NEK1: variants seen among roughly 807,000 people sequenced by gnomAD.
NEK1 encodes serine/threonine-protein kinase Nek1.
A neutral mutation model predicts 182.1 loss-of-function variants in NEK1; 137 were observed. That is an observed-to-expected ratio of 0.75 (90% confidence interval 0.65 to 0.87). The LOEUF is 0.87. Ranked by LOEUF, NEK1 falls within the 40% of genes least tolerant of loss-of-function variation. The pLI is 0.00. For missense variants in NEK1, 1,391 were observed against 1,494.4 expected, an observed-to-expected ratio of 0.93 and a Z score of 1.14; for synonymous variants, 513 against 492.2, an observed-to-expected ratio of 1.04 and a Z score of -0.56.
rs945229546 is a variant in NEK1 at position 169,489,239 on chromosome 4, T to C, written c.2008-9705A>G. Among the ~76,000 whole-genome samples, 6 of 152,234 alleles carry C rather than the reference T, an allele frequency of 3.9e-5. No individual in the cohort carries two copies. The East Asian group carries it at 1.2e-3, about 29-fold the overall frequency. On this transcript the variant is annotated intron_variant, in intron 23 of 35. Coordinates refer to ENST00000507142, the MANE Select transcript of NEK1 (RefSeq NM_001199397.3). ...TGGTAAATCAGTTAAGATTCTTTGG[T>C]TGAAGGCAATAGAAACTAACTATAG...
At chr4:169,502,881 A>C (rs1417644975) in intron 23 of NEK1, among the ~76,000 whole-genome samples, 1 of 152,156 alleles carries the variant, frequency 6.6e-6, no homozygotes, top group Admixed American at 6.5e-5. Context: ...TCCCAGCCAG[A>C]GCAATCAGGC....
chr4:169,577,330 T>TCAA (rs1428353281), intron 11 of NEK1, among the ~76,000 whole-genome samples: 1 of 148,908 alleles, frequency 6.7e-6, no homozygotes, highest in African/African-American at 2.4e-5. Context: ...AAAAAAAAAA[T>TCAA]CCCTGAAATT....
chr4:169,547,586 T>C (rs954980100), intron 18 of NEK1, among the ~76,000 whole-genome samples: 10 of 152,280 alleles, frequency 6.6e-5, no homozygotes, highest in Middle Eastern at 3.4e-3. Flanking sequence ...TTGGTTTCAT[T>C]CTCCCCGTCA....
intron 18 of NEK1, among the ~76,000 whole-genome samples, chr4:169,543,697 T>C (rs1366661221): frequency 6.6e-6 from 1 of 152,204 alleles, no homozygotes; most frequent in Non-Finnish European, 1.5e-5. Flanking sequence ...GAAGAGGTCC[T>C]TCACATACCT....
intron 12 of NEK1, among the ~76,000 whole-genome samples, chr4:169,570,574 C>A (rs1287355074): frequency 6.7e-6 from 1 of 149,566 alleles, no homozygotes; most frequent in Non-Finnish European, 1.5e-5. Flanking sequence ...GCCCCCCGCC[C>A]GGCCAGCCGC....
intron 24 of NEK1, among the ~76,000 whole-genome samples, chr4:169,478,182 C>G (rs1285339704): frequency 6.6e-6 from 1 of 151,922 alleles, no homozygotes; most frequent in African/African-American, 2.4e-5. Context: ...GTAGAAGATT[C>G]AAAGAACAAT....
intron 26 of NEK1, among the ~76,000 whole-genome samples, chr4:169,464,252 T>C (rs1744513608): frequency 6.6e-6 from 1 of 152,174 alleles, no homozygotes; most frequent in Admixed American, 6.6e-5. Flanking sequence ...CACAGTATTA[T>C]CACCAGAATA....
intron 27 of NEK1, among the ~76,000 whole-genome samples, chr4:169,462,048 T>C (rs1744066238): frequency 6.6e-6 from 1 of 152,148 alleles, no homozygotes; most frequent in Admixed American, 6.6e-5. Context: ...AAATTGCATA[T>C]ATTTAATTAA....
intron 5 of NEK1, among the ~76,000 whole-genome samples, chr4:169,592,671 A>G (rs72692987): frequency 0.092 from 13,333 of 145,460 alleles, 755 homozygotes; most frequent in African/African-American, 0.16. Context: ...CTATCTCTTC[A>G]GTATTTTTTT....
At chr4:169,599,571 G>A (rs1770129591) in intron 4 of NEK1, among the ~76,000 whole-genome samples, 1 of 152,004 alleles carries the variant, frequency 6.6e-6, no homozygotes, top group South Asian at 2.1e-4. Context: ...ATCAGAGATG[G>A]GTTATCTTAG....
chr4:169,586,026 C>T (rs981866762), intron 9 of NEK1, among the ~76,000 whole-genome samples: 3 of 152,016 alleles, frequency 2.0e-5, no homozygotes, highest in African/African-American at 7.2e-5. Context: ...AGACAATGCT[C>T]ACTATTATGT....
chr4:169,483,362 C>T (rs1372330412), intron 23 of NEK1, among the ~76,000 whole-genome samples: 1 of 152,062 alleles, frequency 6.6e-6, no homozygotes, highest in African/African-American at 2.4e-5. Context: ...GACACAAAGA[C>T]ACAAAATGAG....
intron 32 of NEK1, among the ~76,000 whole-genome samples, chr4:169,404,223 A>G (rs1732191307): frequency 1.3e-5 from 2 of 152,190 alleles, no homozygotes; most frequent in Non-Finnish European, 1.5e-5. Flanking sequence ...GTTCTCCAAT[A>G]GGATTAATAA....
At chr4:169,416,505 A>G (rs559162826) in intron 31 of NEK1, among the ~76,000 whole-genome samples, 1 of 152,372 alleles carries the variant, frequency 6.6e-6, no homozygotes, top group African/African-American at 2.4e-5. Flanking sequence ...ATTAATGTAC[A>G]TCTTATTTAA....
chr4:169,479,638 GT>G (rs1409757890), intron 23 of NEK1, 104 bp from the exon 24 acceptor site: 4 of 921,940 alleles, frequency 4.3e-6, no homozygotes, highest in South Asian at 1.8e-5. Context: ...TCCACAAGTA[GT>G]TTTTTTCATT....
intron 2 of NEK1, among the ~76,000 whole-genome samples, chr4:169,610,526 T>C (rs1772147125): frequency 1.3e-5 from 2 of 152,028 alleles, no homozygotes; most frequent in Non-Finnish European, 2.9e-5. Flanking sequence ...TCAGCCAGGC[T>C]TGTCTCAACC....
intron 18 of NEK1, chr4:169,555,133 A>G (rs1336435206): frequency 6.5e-6 from 1 of 152,730 alleles, no homozygotes; most frequent in Non-Finnish European, 1.5e-5. Context: ...GCTTCTGTAT[A>G]TAATTTATAA....
intron 12 of NEK1, among the ~76,000 whole-genome samples, chr4:169,572,335 A>C (rs977645447): frequency 1.3e-5 from 2 of 152,146 alleles, no homozygotes; most frequent in African/African-American, 4.8e-5. Flanking sequence ...GTCAATAATG[A>C]CTCCAATATG....
intron 2 of NEK1, among the ~76,000 whole-genome samples, chr4:169,611,293 T>C (rs1772288305): frequency 6.6e-6 from 1 of 152,190 alleles, no homozygotes; most frequent in African/African-American, 2.4e-5. Flanking sequence ...TCCCACAAAA[T>C]AGGCTCCTTA....
Sources: gnomAD v4.1 joint callset for allele counts (sites outside exome capture counted in the v4.1 genomes callset) on GRCh38, gnomAD v4.1.1 for gene constraint, MANE v1.5 for transcripts, NCBI Gene and HGNC (gene_info 2026-07-23, HGNC 2026-07-21) for gene names.